APBB2: variants seen among roughly 807,000 people sequenced by gnomAD.
APBB2 encodes Fe65-like 1.
APBB2 carries 38 observed loss-of-function variants against 82.5 expected under a neutral mutation model. The ratio of observed to expected loss-of-function variants is 0.46; its 90% CI spans 0.36 to 0.60. The LOEUF (loss-of-function observed/expected upper bound fraction) is 0.60. Ranked by LOEUF, APBB2 falls within the 20% of genes least tolerant of loss-of-function variation. APBB2 has a pLI of 0.00. For missense variants in APBB2, 772 were observed against 972.3 expected (o/e 0.79, Z 2.74); for synonymous variants, 341 against 368.2 (o/e 0.93, Z 0.85).
chr4:41,193,264 A>C (rs2154072025), intron 1 of APBB2, among the ~76,000 whole-genome samples: 1 of 152,354 alleles, frequency 6.6e-6, no homozygotes, highest in African/African-American at 2.4e-5. Context: ...GATGATAAAG[A>C]CCTGGAAAAA....
intron 17 of APBB2, among the ~76,000 whole-genome samples, chr4:40,821,249 T>C (rs2154295650): frequency 6.6e-6 from 1 of 152,344 alleles, no homozygotes; most frequent in East Asian, 1.9e-4. Flanking sequence ...TAATGAGGGA[T>C]TCTTGTTTGT....
At chr4:41,145,874 G>A (rs995668572) in intron 1 of APBB2, among the ~76,000 whole-genome samples, 3 of 152,180 alleles carry the variant, frequency 2.0e-5, no homozygotes, top group Admixed American at 2.0e-4. Context: ...CAAGTCTTAA[G>A]GGAAAGACAT....
At chr4:40,905,174 G>A (rs548158288) in intron 10 of APBB2, among the ~76,000 whole-genome samples, 7 of 152,176 alleles carry the variant, frequency 4.6e-5, no homozygotes, top group African/African-American at 1.7e-4. Flanking sequence ...ATCCATAATT[G>A]AAATATCGCC....
intron 12 of APBB2, chr4:40,857,292 C>T (rs1225594969): frequency 2.1e-6 from 1 of 484,568 alleles, no homozygotes; most frequent in African/African-American, 2.1e-5. Context: ...GTGCTCCCGC[C>T]AGATGCTCCA....
chr4:40,894,381 T>C (rs559490670), intron 10 of APBB2, among the ~76,000 whole-genome samples: 1 of 152,194 alleles, frequency 6.6e-6, no homozygotes, highest in South Asian at 2.1e-4. Flanking sequence ...TATAAGGCAG[T>C]TTTTTAAATA....
At chr4:41,185,706 T>C (rs1772712915) in intron 1 of APBB2, among the ~76,000 whole-genome samples, 1 of 152,050 alleles carries the variant, frequency 6.6e-6, no homozygotes, top group Non-Finnish European at 1.5e-5. Context: ...TGATTTAAAA[T>C]AGATTTTCCA....
At chr4:41,057,375 C>T (rs1728193364) in intron 4 of APBB2, among the ~76,000 whole-genome samples, 1 of 152,150 alleles carries the variant, frequency 6.6e-6, no homozygotes, top group Non-Finnish European at 1.5e-5. Context: ...CACTTGAATT[C>T]GGGAGGCAGA....
At chr4:41,087,927 A>G (rs1218999542) in intron 3 of APBB2, among the ~76,000 whole-genome samples, 1 of 152,222 alleles carries the variant, frequency 6.6e-6, no homozygotes, top group East Asian at 1.9e-4. Flanking sequence ...TTCCAGCAAT[A>G]GATGCGTGGG....
intron 6 of APBB2, among the ~76,000 whole-genome samples, chr4:40,982,454 AAT>A (rs1234253644): frequency 2.8e-5 from 2 of 71,226 alleles, no homozygotes; most frequent in Non-Finnish European, 6.1e-5. Context: ...AGAAAGAAAG[AAT>A]GAATGAATTT....
At chr4:41,206,906 A>C (rs1778075215) in intron 1 of APBB2, among the ~76,000 whole-genome samples, 1 of 152,172 alleles carries the variant, frequency 6.6e-6, no homozygotes, top group African/African-American at 2.4e-5. Flanking sequence ...ACCAAAGAGC[A>C]AGCAGGATGC....
At chr4:40,931,275 C>T (rs1212011425) in intron 10 of APBB2, among the ~76,000 whole-genome samples, 1 of 152,178 alleles carries the variant, frequency 6.6e-6, no homozygotes, top group Non-Finnish European at 1.5e-5. Flanking sequence ...GGGATGGAAG[C>T]TCCTCCAATG....
At chr4:41,138,851 A>T (rs1758315408) in intron 2 of APBB2, among the ~76,000 whole-genome samples, 1 of 152,210 alleles carries the variant, frequency 6.6e-6, no homozygotes, top group South Asian at 2.1e-4. Context: ...TCATACACAT[A>T]AAAAACTATC....
intron 1 of APBB2, among the ~76,000 whole-genome samples, chr4:41,155,929 G>A (rs750114715): frequency 1.2e-4 from 18 of 152,130 alleles, no homozygotes; most frequent in South Asian, 2.1e-4. Context: ...GAATTTGGTC[G>A]TATCTTATTT....
intron 10 of APBB2, among the ~76,000 whole-genome samples, chr4:40,920,079 C>T (rs1336559267): frequency 6.6e-6 from 1 of 152,126 alleles, no homozygotes; most frequent in Non-Finnish European, 1.5e-5. Flanking sequence ...TGTGTCCCCA[C>T]CCAAATCTCA....
At chr4:41,006,756 G>A (rs911845279) in intron 6 of APBB2, among the ~76,000 whole-genome samples, 5 of 152,146 alleles carry the variant, frequency 3.3e-5, no homozygotes, top group South Asian at 2.1e-4. Flanking sequence ...GTGAGCCACC[G>A]CGCCCAGCCA....
At chr4:41,001,863 G>C (rs550984605) in intron 6 of APBB2, among the ~76,000 whole-genome samples, 2 of 150,182 alleles carry the variant, frequency 1.3e-5, no homozygotes, top group Middle Eastern at 3.2e-3. Flanking sequence ...GGGTGACAGA[G>C]TGAGACTCCG....
intron 2 of APBB2, among the ~76,000 whole-genome samples, chr4:41,112,990 A>C (rs1749749464): frequency 6.6e-6 from 1 of 152,124 alleles, no homozygotes; most frequent in South Asian, 2.1e-4. Context: ...CTGTCTCAAA[A>C]AAAAAAACAA....
intron 17 of APBB2, 83 bp downstream of exon 17, chr4:40,821,788 G>GT: frequency 6.7e-7 from 1 of 1,487,176 alleles, no homozygotes; most frequent in Non-Finnish European, 9.1e-7. Context: ...TTTCATTTCC[G>GT]TGAGTGATTC....
chr4:41,137,636 C>T (rs74775777), intron 2 of APBB2, among the ~76,000 whole-genome samples: 10,227 of 152,092 alleles, frequency 0.067, 489 homozygotes, highest in Non-Finnish European at 0.1. Context: ...TTGCAAAAAC[C>T]AGTGTGGTAC....
Sources: allele counts gnomAD v4.1 joint callset (sites outside exome capture counted in the v4.1 genomes callset), GRCh38; gene constraint gnomAD v4.1.1; transcripts MANE v1.5; gene names NCBI Gene and HGNC (gene_info 2026-07-23, HGNC 2026-07-21).